Variants in CYTH3 observed in about 807,000 individuals in gnomAD.
CYTH3 encodes cytohesin-3.
A neutral mutation model predicts 55.1 loss-of-function variants in CYTH3; 23 were observed. The ratio of observed to expected loss-of-function variants is 0.42; its 90% CI spans 0.30 to 0.59. CYTH3 has a LOEUF of 0.59. Ranked by LOEUF, CYTH3 falls within the 20% of genes least tolerant of loss-of-function variation. CYTH3 has a pLI of 0.20. For missense variants in CYTH3, 413 were observed against 524.8 expected (o/e 0.79, Z 2.08); for synonymous variants, 249 against 194.9 (o/e 1.28, Z -2.31).
intron 1 of CYTH3, among the ~76,000 whole-genome samples, chr7:6,199,154 T>A (rs1418478629): frequency 1.3e-5 from 2 of 152,242 alleles, no homozygotes; most frequent in Admixed American, 6.5e-5. Flanking sequence ...CAAATTCACA[T>A]CATTCAGCCA....
intron 1 of CYTH3, among the ~76,000 whole-genome samples, chr7:6,227,789 T>G (rs1779293312): frequency 6.6e-6 from 1 of 152,208 alleles, no homozygotes; most frequent in Non-Finnish European, 1.5e-5. Context: ...TCTCATAAAC[T>G]TTATTGAGAA....
chr7:6,200,397 G>C lies in CYTH3; in HGVS notation c.35-9866C>G, dbSNP rs1328702882. Among the ~76,000 whole-genome samples the C allele has an allele frequency of 5.3e-5, 8 of 152,190 alleles. No individual in the cohort carries two copies. In the South Asian group the frequency reaches 1.4e-3, roughly 28 times the overall value. Reference sequence around the variant, plus strand: ...GTTTCACAGTTATGAACTGTGGCCAGAACCCTCACTATGTTTTAGTCACTG... The same window carrying C: ...GTTTCACAGTTATGAACTGTGGCCACAACCCTCACTATGTTTTAGTCACTG... On this transcript the variant is annotated intron_variant, in intron 1 of 12. Transcript: ENST00000350796.
intron 1 of CYTH3, among the ~76,000 whole-genome samples, chr7:6,237,394 C>T (rs1186176203): frequency 6.6e-6 from 1 of 152,140 alleles, no homozygotes; most frequent in Non-Finnish European, 1.5e-5. Flanking sequence ...CCCACCTTTT[C>T]CCATCCCATC....
intron 1 of CYTH3, among the ~76,000 whole-genome samples, chr7:6,254,653 TTGGCCAGGC>T (rs751423414): frequency 8.5e-5 from 13 of 152,226 alleles, no homozygotes; most frequent in Non-Finnish European, 1.8e-4. Flanking sequence ...TTTCACCATG[TTGGCCAGGC>T]TGGTCTCGAA....
intron 4 of CYTH3, among the ~76,000 whole-genome samples, chr7:6,184,395 A>G (rs904688245): frequency 1.3e-5 from 2 of 151,728 alleles, no homozygotes; most frequent in East Asian, 3.9e-4. Flanking sequence ...GCTCAAGTGG[A>G]CTGACAAGTG....
chr7:6,202,739 G>A (rs951261137), intron 1 of CYTH3, among the ~76,000 whole-genome samples: 3 of 152,140 alleles, frequency 2.0e-5, no homozygotes, highest in Admixed American at 6.5e-5. Context: ...GATTACAGGC[G>A]TGAGCCACCG....
At chr7:6,195,428 C>T (rs1043837583) in intron 1 of CYTH3, among the ~76,000 whole-genome samples, 3 of 152,050 alleles carry the variant, frequency 2.0e-5, no homozygotes, top group Admixed American at 1.3e-4. Flanking sequence ...ATCTAAGTGT[C>T]GATAAATTCC....
intron 12 of CYTH3, 127 bp from the exon 13 acceptor site, chr7:6,165,143 CG>C: frequency 6.4e-7 from 1 of 1,557,930 alleles, no homozygotes; most frequent in Non-Finnish European, 8.7e-7. Flanking sequence ...TTTGGCAGCC[CG>C]GCCCTCTGGG....
chr7:6,214,332 A>G (rs57081447), intron 1 of CYTH3, among the ~76,000 whole-genome samples: 1 of 152,232 alleles, frequency 6.6e-6, no homozygotes, highest in Non-Finnish European at 1.5e-5. Context: ...AATTCAAAAC[A>G]TAAGAAATAA....
chr7:6,165,116 C>CAG (rs1175309575), intron 12 of CYTH3, 100 bp from the exon 13 acceptor site: 2 of 1,569,936 alleles, frequency 1.3e-6, no homozygotes, highest in African/African-American at 2.7e-5. Flanking sequence ...ACCGCAGGCT[C>CAG]AGATCTGAAC....
intron 1 of CYTH3, among the ~76,000 whole-genome samples, chr7:6,207,825 C>T (rs1784229752): frequency 1.3e-5 from 2 of 151,634 alleles, no homozygotes; most frequent in South Asian, 4.2e-4. Flanking sequence ...TGGTATATGC[C>T]TGTAATCCCA....
At chr7:6,262,297 A>C (rs1412790993) in intron 1 of CYTH3, among the ~76,000 whole-genome samples, 1 of 152,214 alleles carries the variant, frequency 6.6e-6, no homozygotes, top group African/African-American at 2.4e-5. Flanking sequence ...GAGATAATGA[A>C]CAAGAATTCT....
At chr7:6,260,573 C>T (rs1423638023) in intron 1 of CYTH3, among the ~76,000 whole-genome samples, 1 of 152,112 alleles carries the variant, frequency 6.6e-6, no homozygotes, top group Non-Finnish European at 1.5e-5. Context: ...AGCTCCCTGC[C>T]TCTCCCCAAA....
chr7:6,258,200 C>G (rs1780179552), intron 1 of CYTH3, among the ~76,000 whole-genome samples: 1 of 151,482 alleles, frequency 6.6e-6, no homozygotes, highest in South Asian at 2.1e-4. Flanking sequence ...GAGGGCCTAG[C>G]TACTTGAGAG....
At chr7:6,220,616 G>A (rs1462579362) in intron 1 of CYTH3, among the ~76,000 whole-genome samples, 4 of 150,854 alleles carry the variant, frequency 2.7e-5, no homozygotes, top group South Asian at 2.1e-4. Flanking sequence ...GCAAAGATGT[G>A]GACAATCTGG....
At chr7:6,223,605 G>A (rs1264608715) in intron 1 of CYTH3, among the ~76,000 whole-genome samples, 1 of 152,100 alleles carries the variant, frequency 6.6e-6, no homozygotes, top group African/African-American at 2.4e-5. Context: ...AGTGCAAGAT[G>A]TGCTTTGTTA....
intron 1 of CYTH3, among the ~76,000 whole-genome samples, chr7:6,232,713 G>A (rs985660220): frequency 1.3e-5 from 2 of 152,092 alleles, no homozygotes; most frequent in African/African-American, 4.8e-5. Flanking sequence ...GGCTGCGGCT[G>A]TGGTTCTGAC....
chr7:6,251,926 G>T (rs1338821340), intron 1 of CYTH3, among the ~76,000 whole-genome samples: 1 of 151,974 alleles, frequency 6.6e-6, no homozygotes, highest in East Asian at 1.9e-4. Flanking sequence ...TGTGAAAAAA[G>T]AAAAACAAAA....
chr7:6,201,290 G>T (rs931296862), intron 1 of CYTH3, among the ~76,000 whole-genome samples: 1 of 152,208 alleles, frequency 6.6e-6, no homozygotes, highest in Non-Finnish European at 1.5e-5. Flanking sequence ...GTGGCATGCC[G>T]CAGCTAGCCA....
Sources: allele counts gnomAD v4.1 joint callset (sites outside exome capture counted in the v4.1 genomes callset), GRCh38; gene constraint gnomAD v4.1.1; transcripts MANE v1.5; gene names NCBI Gene and HGNC (gene_info 2026-07-23, HGNC 2026-07-21).